Variants in TRIP4 observed in about 807,000 individuals in gnomAD.
TRIP4 encodes thyroid hormone receptor interactor 4.
In TRIP4, 54 loss-of-function variants were observed where a neutral mutation model predicts 81.8. The ratio of observed to expected loss-of-function variants is 0.66; its 90% CI spans 0.53 to 0.83. The LOEUF is 0.83. Among genes scored for constraint, TRIP4 ranks in the 40% least tolerant of loss-of-function variants. TRIP4 has a pLI of 0.00. For synonymous variants in TRIP4, 270 were observed against 242.8 expected (o/e 1.11, Z -1.04); for missense variants, 662 against 683.6 (o/e 0.97, Z 0.35).
intron 5 of TRIP4, among the ~76,000 whole-genome samples, chr15:64,402,614 C>G (rs945955391): frequency 1.3e-5 from 2 of 151,542 alleles, no homozygotes; most frequent in African/African-American, 2.4e-5. Flanking sequence ...ACCTCCGCCA[C>G]TTGGGTTCAA....
chr15:64,392,802 A>G (rs979649428), intron 1 of TRIP4, among the ~76,000 whole-genome samples: 71 of 152,172 alleles, frequency 4.7e-4, no homozygotes, highest in Admixed American at 1.2e-3. Flanking sequence ...TCTTCTAGAG[A>G]CAAGGTCTCC....
chr15:64,418,905 T>C (rs1434574394), intron 9 of TRIP4, among the ~76,000 whole-genome samples, 177 bp downstream of exon 9: 1 of 152,204 alleles, frequency 6.6e-6, no homozygotes, highest in Non-Finnish European at 1.5e-5. Flanking sequence ...TATTTTAAAA[T>C]TAATTTCAAA....
intron 6 of TRIP4, among the ~76,000 whole-genome samples, chr15:64,406,737 A>G (rs1172684244): frequency 6.6e-6 from 1 of 152,182 alleles, no homozygotes; most frequent in East Asian, 1.9e-4. Flanking sequence ...AGAATTCACC[A>G]CTTGTTTTAC....
chr15:64,434,402 G>GAAAA (rs35606754), intron 11 of TRIP4, among the ~76,000 whole-genome samples: 1 of 138,050 alleles, frequency 7.2e-6, no homozygotes. Flanking sequence ...TCCGTCTCAA[G>GAAAA]AAAAAAAAAA....
intron 1 of TRIP4, among the ~76,000 whole-genome samples, chr15:64,393,030 G>A (rs747358458): frequency 6.6e-6 from 1 of 152,066 alleles, no homozygotes; most frequent in Non-Finnish European, 1.5e-5. Context: ...CCAATCATAG[G>A]ACAATTTCAT....
chr15:64,400,955 TTTTGTTTTG>T (rs1346620677), intron 5 of TRIP4, 134 bp downstream of exon 5: 11 of 654,128 alleles, frequency 1.7e-5, no homozygotes, highest in Middle Eastern at 2.7e-4. Flanking sequence ...GGGGGGTTTT[TTTTGTTTTG>T]TTTTGTTTTG....
Position 64,424,064 on chromosome 15 carries a change from A to G in TRIP4, c.1392A>G (p.Arg464=). Residue 464 remains arginine (R), a synonymous_variant, in exon 10 of 13, where the codon AGA becomes AGG. Coordinates refer to ENST00000261884, the MANE Select transcript of TRIP4 (RefSeq NM_016213.5). Reference sequence around the variant, plus strand: ...GCAGATCCTGGTACACCCCCCACAGAGGACGACTTTGGATAGCAGCCACAG... The same window carrying G: ...GCAGATCCTGGTACACCCCCCACAGGGGACGACTTTGGATAGCAGCCACAG... ...VEGRSWYTPH[R]GRLWIAATAK... The G allele has an allele frequency of 6.2e-7, 1 of 1,614,148 alleles. No individual in the cohort carries two copies. The highest frequency in any genetic ancestry group is 1.1e-5 in the South Asian group (1 of 91,076).
chr15:64,418,527 G>T lies in TRIP4; in HGVS notation c.1171-14G>T, dbSNP rs747214265. On this transcript the variant is annotated splice_polypyrimidine_tract_variant and intron_variant, in intron 8 of 12. Coordinates refer to ENST00000261884, the MANE Select transcript of TRIP4 (RefSeq NM_016213.5). ...CCTTATAAGATAGAACTGTATGTTT[G>T]TTTTTCTGTGTAGTGGGTTGACCAC... The T allele has an allele frequency of 6.2e-7, 1 of 1,600,470 alleles. No individual in the cohort carries two copies. Among genetic ancestry groups the T allele is most frequent in the Non-Finnish European group, 8.5e-7 (1 of 1,173,670 alleles).
chr15:64,392,487 G>A (rs1900164092), intron 1 of TRIP4, among the ~76,000 whole-genome samples: 1 of 152,008 alleles, frequency 6.6e-6, no homozygotes, highest in Non-Finnish European at 1.5e-5. Context: ...TGTTTTTGGG[G>A]GGTGTGTGTA....
chr15:64,419,826 T>C (rs1891969981), intron 9 of TRIP4, among the ~76,000 whole-genome samples: 1 of 151,696 alleles, frequency 6.6e-6, no homozygotes, highest in Non-Finnish European at 1.5e-5. Flanking sequence ...TCTATCTTTC[T>C]TTTTTTTGAG....
rs1891940009 is a variant in TRIP4, at chr15:64,418,621, G to A, written c.1251G>A (p.Gln417=). The change falls in exon 9 of 13, where the codon CAG becomes CAA. Residue 417 remains glutamine, a synonymous_variant. Transcript: ENST00000261884. The part of the protein sequence containing the change: ...SGFGLEFNSF[Q]HQLRIQDQEF... Reference sequence around the variant, plus strand: ...TTGGACTAGAGTTCAACTCATTTCAGCACCAGTTGCGAATCCAGGATCAAG... The same window carrying A: ...TTGGACTAGAGTTCAACTCATTTCAACACCAGTTGCGAATCCAGGATCAAG... 1 of 1,613,850 alleles carries A rather than the reference G, an allele frequency of 6.2e-7. No homozygotes were observed. The highest frequency in any genetic ancestry group is 8.5e-7 in the Non-Finnish European group (1 of 1,180,022).
intron 1 of TRIP4, among the ~76,000 whole-genome samples, chr15:64,391,790 C>A (rs1900138094): frequency 1.3e-5 from 2 of 148,674 alleles, no homozygotes; most frequent in Admixed American, 1.3e-4. Flanking sequence ...CCCAACATGG[C>A]AAAACCTTGT....
chr15:64,430,339 C>T (rs910319600), intron 11 of TRIP4, among the ~76,000 whole-genome samples: 5 of 152,206 alleles, frequency 3.3e-5, no homozygotes, highest in African/African-American at 9.6e-5. Context: ...AGAGCCATCT[C>T]GTTAAAGCTT....
intron 1 of TRIP4, among the ~76,000 whole-genome samples, chr15:64,390,041 A>G (rs1900075088): frequency 1.4e-5 from 2 of 147,984 alleles, no homozygotes; most frequent in African/African-American, 4.9e-5. Context: ...GTAATATATT[A>G]AATATCAAAT....
At chr15:64,395,256 G>T (rs1477951755) in intron 2 of TRIP4, 142 bp from the exon 3 acceptor site, 1 of 701,014 alleles carries the variant, frequency 1.4e-6, no homozygotes, top group East Asian at 3.1e-5. Context: ...TGGTTTGACA[G>T]GAAAAGATAA....
chr15:64,403,501 CACTACTT>C (rs1464908579), intron 5 of TRIP4, among the ~76,000 whole-genome samples: 2 of 152,164 alleles, frequency 1.3e-5, no homozygotes, highest in Admixed American at 6.5e-5. Flanking sequence ...ACTCATTACT[CACTACTT>C]ACGCAAATAT....
At chr15:64,391,704 C>T (rs962848458) in intron 1 of TRIP4, among the ~76,000 whole-genome samples, 13 of 151,866 alleles carry the variant, frequency 8.6e-5, no homozygotes, top group Admixed American at 8.5e-4. Flanking sequence ...GGTGCAGTGG[C>T]TCAACCTGTA....
chr15:64,450,646 A>T, intron 12 of TRIP4: 1 of 455,860 alleles, frequency 2.2e-6, no homozygotes, highest in Non-Finnish European at 4.4e-6. Flanking sequence ...ATTGTTGGCA[A>T]ATGTCTGATT....
intron 10 of TRIP4, among the ~76,000 whole-genome samples, chr15:64,424,869 A>C (rs1158822852): frequency 6.6e-6 from 1 of 152,048 alleles, no homozygotes; most frequent in Non-Finnish European, 1.5e-5. Context: ...TCCGCCTTCC[A>C]GGTTCAAGTG....
Sources: gnomAD v4.1 joint callset for allele counts (sites outside exome capture counted in the v4.1 genomes callset) on GRCh38, gnomAD v4.1.1 for gene constraint, MANE v1.5 for transcripts, NCBI Gene and HGNC (gene_info 2026-07-23, HGNC 2026-07-21) for gene names.